MSI2: variants seen among roughly 807,000 people sequenced by gnomAD.
MSI2 encodes the protein RNA-binding protein Musashi homolog 2.
In MSI2, 17 loss-of-function variants were observed where a neutral mutation model predicts 45.6. That is an observed-to-expected ratio of 0.37 (90% CI 0.26 to 0.56). The LOEUF (loss-of-function observed/expected upper bound fraction) is 0.56. MSI2 is among the 20% of genes least tolerant of loss of function. The pLI is 0.77. For synonymous variants in MSI2, 156 were observed against 158.2 expected, an observed-to-expected ratio of 0.99 and a Z score of 0.11; for missense variants, 293 against 444.2, an observed-to-expected ratio of 0.66 and a Z score of 3.06.
At chr17:57,467,975 C>T (rs1056036449) in intron 6 of MSI2, among the ~76,000 whole-genome samples, 6 of 151,434 alleles carry the variant, frequency 4.0e-5, no homozygotes, top group African/African-American at 1.5e-4. Flanking sequence ...TGGGTCCAGC[C>T]AACAAAGGTC....
At chr17:57,524,711 A>T (rs1304985554) in intron 6 of MSI2, among the ~76,000 whole-genome samples, 1 of 152,234 alleles carries the variant, frequency 6.6e-6, no homozygotes, top group African/African-American at 2.4e-5. Context: ...CATCATTTTT[A>T]GGATTTTAGA....
chr17:57,406,768 T>G (rs1373044221), intron 6 of MSI2: 2 of 152,220 alleles, frequency 1.3e-5, no homozygotes, highest in Non-Finnish European at 2.9e-5. Flanking sequence ...TTCCTTTCAT[T>G]CTGTGTTACT....
chr17:57,386,147 A>C lies in MSI2; in HGVS notation c.313-15232A>C, dbSNP rs536566130. ...GATATAAAGATACCCCTATCGAATCACCAGCTGTGCGTGTCCAAGTAGCCT... is the reference window on the plus strand; with the variant it reads ...GATATAAAGATACCCCTATCGAATCCCCAGCTGTGCGTGTCCAAGTAGCCT... On this transcript the variant is annotated intron_variant, in intron 5 of 13. Coordinates refer to ENST00000284073, the MANE Select transcript of MSI2 (RefSeq NM_138962.4). 4.6e-5 allele frequency among the ~76,000 whole-genome samples: 7 copies of C among 152,282 alleles called. No homozygotes were observed. The South Asian group carries it at 1.5e-3, about 32-fold the overall frequency.
intron 6 of MSI2, among the ~76,000 whole-genome samples, chr17:57,453,995 A>G (rs184020021): frequency 2.0e-5 from 3 of 152,342 alleles, no homozygotes; most frequent in African/African-American, 7.2e-5. Context: ...AAAGGGCTGC[A>G]TGACCCTGTG....
chr17:57,301,361 A>G (rs1911405059), intron 5 of MSI2, among the ~76,000 whole-genome samples: 1 of 152,214 alleles, frequency 6.6e-6, no homozygotes, highest in Admixed American at 6.5e-5. Flanking sequence ...GAGGAGTGCA[A>G]CCTGAGTTTA....
At chr17:57,263,186 G>A (rs903828390) in intron 5 of MSI2, among the ~76,000 whole-genome samples, 3 of 152,120 alleles carry the variant, frequency 2.0e-5, no homozygotes, top group African/African-American at 7.2e-5. Flanking sequence ...TATAGAAAAA[G>A]TTGGTGATTG....
At chr17:57,256,947 G>A in intron 1 of MSI2, 143 bp downstream of exon 1, 2 of 1,233,474 alleles carry the variant, frequency 1.6e-6, no homozygotes, top group South Asian at 2.8e-5. Context: ...CACACCTTTG[G>A]ATTGCATTTC....
intron 5 of MSI2, among the ~76,000 whole-genome samples, chr17:57,277,246 C>T (rs921475389): frequency 2.6e-5 from 4 of 151,880 alleles, no homozygotes; most frequent in Non-Finnish European, 4.4e-5. Context: ...TTAATAGAGG[C>T]GGAGTTACGC....
intron 5 of MSI2, among the ~76,000 whole-genome samples, chr17:57,389,501 T>C (rs1395707435): frequency 6.6e-6 from 1 of 152,230 alleles, no homozygotes; most frequent in Non-Finnish European, 1.5e-5. Flanking sequence ...CTGCAGGTCA[T>C]GCCCAGCCCT....
chr17:57,546,384 A>G (rs1198783617), intron 7 of MSI2, among the ~76,000 whole-genome samples: 1 of 152,178 alleles, frequency 6.6e-6, no homozygotes, highest in Admixed American at 6.5e-5. Flanking sequence ...CTGAAATATG[A>G]TTCTCCTTAA....
chr17:57,391,993 C>T (rs2144087603), intron 5 of MSI2, among the ~76,000 whole-genome samples: 1 of 152,294 alleles, frequency 6.6e-6, no homozygotes, highest in South Asian at 2.1e-4. Context: ...GTGGTGAGCA[C>T]TGGGGGGCAG....
intron 10 of MSI2, chr17:57,630,879 G>A (rs535156747): frequency 2.0e-5 from 3 of 152,438 alleles, no homozygotes; most frequent in African/African-American, 7.2e-5. Context: ...GAAAGTTTCG[G>A]GTGGATCTGG....
intron 9 of MSI2, among the ~76,000 whole-genome samples, chr17:57,618,605 G>C (rs191132463): frequency 2.1e-4 from 32 of 152,202 alleles, no homozygotes; most frequent in African/African-American, 7.2e-4. Context: ...GTGCCGTGGC[G>C]CGATCTCAGC....
downstream of MSI2, among the ~76,000 whole-genome samples, chr17:57,689,234 TTCTC>T (rs746323652): frequency 3.3e-5 from 5 of 152,270 alleles, no homozygotes; most frequent in East Asian, 1.9e-4. Flanking sequence ...TAATAGTATG[TTCTC>T]TCTCTCTACA....
downstream of MSI2, among the ~76,000 whole-genome samples, chr17:57,686,900 C>G (rs1913894933): frequency 6.6e-6 from 1 of 152,180 alleles, no homozygotes; most frequent in East Asian, 1.9e-4. Context: ...TAAACCTGAT[C>G]TGATGGCTCT....
At chr17:57,674,812 G>A (rs1913100998) in intron 11 of MSI2, 160 bp from the exon 12 acceptor site, 1 of 1,044,440 alleles carries the variant, frequency 9.6e-7, no homozygotes, top group South Asian at 1.6e-5. Context: ...CCTTGGTTGA[G>A]TGTTAGAAGT....
At chr17:57,421,045 T>G (rs2084385689) in intron 6 of MSI2, among the ~76,000 whole-genome samples, 1 of 152,232 alleles carries the variant, frequency 6.6e-6, no homozygotes, top group Admixed American at 6.5e-5. Flanking sequence ...TAAAAGAAGT[T>G]TGAACTTGTT....
In MSI2 at chr17:57,322,698, C is replaced by T. The variant is rs182891313; in HGVS notation, c.312+60506C>T. ...CGTGCCGCCCACAAGGTCTTGGCTA[C>T]TAAGGGACAAGTATTGGGTTTTCTC... On this transcript the variant is annotated intron_variant, in intron 5 of 13. Coordinates refer to ENST00000284073, the MANE Select transcript of MSI2 (RefSeq NM_138962.4). Among the ~76,000 whole-genome samples the T allele has an allele frequency of 9.2e-5, 14 of 152,274 alleles. No homozygotes were observed. In the East Asian group the frequency reaches 2.7e-3, roughly 29 times the overall value.
At chr17:57,666,361 A>T (rs777326268) in intron 11 of MSI2, among the ~76,000 whole-genome samples, 2 of 152,210 alleles carry the variant, frequency 1.3e-5, no homozygotes, top group Non-Finnish European at 2.9e-5. Context: ...GGAGCATGAA[A>T]AAAGATCGTG....
Sources: gnomAD v4.1 joint callset for allele counts (sites outside exome capture counted in the v4.1 genomes callset) on GRCh38, gnomAD v4.1.1 for gene constraint, MANE v1.5 for transcripts, NCBI Gene and HGNC (gene_info 2026-07-23, HGNC 2026-07-21) for gene names.